The following ANKS1B variants were observed in gnomAD, a reference collection of about 807,000 sequenced individuals.
ANKS1B encodes the protein ankyrin repeat and sterile alpha motif domain containing 1B, also known as ankyrin repeat and sterile alpha motif domain-containing protein 1B.
ANKS1B carries 36 observed loss-of-function variants against 148.3 expected under a neutral mutation model. The observed-to-expected ratio is 0.24, with a 90% CI of 0.19 to 0.32. ANKS1B has a LOEUF of 0.32. Ranked by LOEUF, ANKS1B falls within the 10% of genes least tolerant of loss-of-function variation. ANKS1B has a pLI of 1.00. For missense variants in ANKS1B, 1,157 were observed against 1,542.6 expected (o/e 0.75, Z 4.19); for synonymous variants, 542 against 560.8 (o/e 0.97, Z 0.47).
chr12:99,616,669 A>G (rs2097965994), intron 9 of ANKS1B, among the ~76,000 whole-genome samples: 1 of 152,192 alleles, frequency 6.6e-6, no homozygotes, highest in African/African-American at 2.4e-5. Flanking sequence ...TAAATGTAAA[A>G]CCTAAAACCA....
chr12:99,439,950 G>C (rs993085975), intron 11 of ANKS1B, among the ~76,000 whole-genome samples: 6 of 151,642 alleles, frequency 4.0e-5, no homozygotes, highest in African/African-American at 1.2e-4. Flanking sequence ...TTAATCCAAT[G>C]GTAAACCACT....
chr12:99,394,699 G>T (rs577107730), intron 12 of ANKS1B, among the ~76,000 whole-genome samples: 1 of 152,218 alleles, frequency 6.6e-6, no homozygotes, highest in South Asian at 2.1e-4. Flanking sequence ...CTCACAGGTT[G>T]CTCCTTATCA....
chr12:99,648,150 G>A, intron 9 of ANKS1B: 1 of 1,586,156 alleles, frequency 6.3e-7, no homozygotes, highest in Non-Finnish European at 8.6e-7. Flanking sequence ...CAGCTGCTGG[G>A]AACTGTCTTG....
In ANKS1B at chr12:98,745,132, A is replaced by G; in HGVS notation, c.*607T>C. ...CTTTTGAACCAATCATTTGGTTGAA[A>G]GGTTTTCTTTCTCTGACATAGGTGA... On this transcript the variant is annotated 3_prime_UTR_variant, in exon 27 of 27. Coordinates refer to ENST00000683438, the MANE Select transcript of ANKS1B (RefSeq NM_001352186.2). 2.0e-6 allele frequency: 2 copies of G among 985,860 alleles called. No individual in the cohort carries two copies. Among genetic ancestry groups the G allele is most frequent in the Non-Finnish European group, 2.4e-6 (2 of 829,940 alleles). 61.1% of individuals were successfully genotyped at this position (985,860 alleles called of 1,614,324 possible). A position where few individuals can be genotyped will look rare whatever the true frequency, so the allele number is the denominator to read the frequency against.
At chr12:99,496,232 T>C (rs556171064) in intron 10 of ANKS1B, among the ~76,000 whole-genome samples, 1 of 152,264 alleles carries the variant, frequency 6.6e-6, no homozygotes, top group South Asian at 2.1e-4. Flanking sequence ...TACCTTAAAA[T>C]GGAAAAATTC....
intron 1 of ANKS1B, among the ~76,000 whole-genome samples, chr12:99,886,390 C>T (rs754768879): frequency 3.9e-5 from 6 of 152,204 alleles, no homozygotes; most frequent in Admixed American, 6.5e-5. Flanking sequence ...ATATTCTGTA[C>T]ATATTTTTAA....
rs1343626927 is a variant in ANKS1B at position 99,057,059 on chromosome 12, T to C, written c.2626-3750A>G. Among the ~76,000 whole-genome samples, 16 of 152,290 alleles carry C rather than the reference T, an allele frequency of 1.1e-4. No homozygotes were observed. The East Asian group carries it at 3.1e-3, about 29-fold the overall frequency. On this transcript the variant is annotated intron_variant, in intron 16 of 26. Coordinates refer to ENST00000683438, the MANE Select transcript of ANKS1B (RefSeq NM_001352186.2). Reference sequence around the variant, plus strand: ...CTTTCTGTTTACTATCATATCTAATTAGGCCAACATGGTCTATCAATTTGA... The same window carrying C: ...CTTTCTGTTTACTATCATATCTAATCAGGCCAACATGGTCTATCAATTTGA...
intron 17 of ANKS1B, among the ~76,000 whole-genome samples, chr12:98,993,919 T>C (rs2099928077): frequency 6.6e-6 from 1 of 152,244 alleles, no homozygotes; most frequent in Non-Finnish European, 1.5e-5. Flanking sequence ...TCAGTCCTAT[T>C]CGTAGGAATA....
intron 11 of ANKS1B, among the ~76,000 whole-genome samples, chr12:99,436,773 T>C (rs961232370): frequency 6.6e-6 from 1 of 151,984 alleles, no homozygotes; most frequent in African/African-American, 2.4e-5. Context: ...AGTAGGTACC[T>C]GATCTAAACA....
At chr12:99,816,173 A>G (rs185581580) in intron 2 of ANKS1B, among the ~76,000 whole-genome samples, 1 of 151,878 alleles carries the variant, frequency 6.6e-6, no homozygotes, top group Admixed American at 6.6e-5. Context: ...CTTTTTAATT[A>G]TGGCCATTCT....
chr12:98,952,595 C>A (rs548712285), intron 17 of ANKS1B, among the ~76,000 whole-genome samples: 44 of 152,276 alleles, frequency 2.9e-4, no homozygotes, highest in Admixed American at 2.4e-3. Flanking sequence ...GCGATCAATA[C>A]CTGCCTCGTG....
rs539345372 is a variant in ANKS1B at position 98,875,588 on chromosome 12, T to C, written c.2779-43452A>G. On this transcript the variant is annotated intron_variant, in intron 17 of 26. Coordinates refer to ENST00000683438, the MANE Select transcript of ANKS1B (RefSeq NM_001352186.2). ...TTTGAAGGAAGCCTTCCTGGTTTCT[T>C]TCTTTCCACTCTTGTTTCTTTAGTT... is the stretch of plus-strand genomic sequence containing the variant. Among the ~76,000 whole-genome samples, 15 of 152,338 alleles carry C rather than the reference T, an allele frequency of 9.8e-5. No individual in the cohort carries two copies. The South Asian group carries it at 3.1e-3, about 32-fold the overall frequency.
chr12:99,443,934 A>C, intron 10 of ANKS1B, 125 bp from the exon 11 acceptor site: 1 of 1,090,698 alleles, frequency 9.2e-7, no homozygotes, highest in South Asian at 1.6e-5. Context: ...ACAAGATCAT[A>C]ATGAGGAATA....
intron 1 of ANKS1B, among the ~76,000 whole-genome samples, chr12:99,851,305 A>G (rs1482616070): frequency 6.6e-6 from 1 of 152,046 alleles, no homozygotes. Flanking sequence ...TTTAGATGCC[A>G]TTTTCTGCCT....
At chr12:99,300,698 T>A (rs998410192) in intron 12 of ANKS1B, among the ~76,000 whole-genome samples, 1 of 152,164 alleles carries the variant, frequency 6.6e-6, no homozygotes, top group Admixed American at 6.6e-5. Context: ...AAGAGGTGGA[T>A]AAAATGCATA....
At chr12:99,632,549 A>G (rs2098172315) in intron 9 of ANKS1B, among the ~76,000 whole-genome samples, 3 of 151,370 alleles carry the variant, frequency 2.0e-5, no homozygotes, top group Admixed American at 6.6e-5. Context: ...GAAAGCCACA[A>G]AGGCAGGGTT....
At chr12:99,343,570 A>G (rs1479152086) in intron 12 of ANKS1B, among the ~76,000 whole-genome samples, 1 of 151,940 alleles carries the variant, frequency 6.6e-6, no homozygotes, top group East Asian at 1.9e-4. Flanking sequence ...AGCATCTACA[A>G]CCTTTTCCTC....
chr12:99,249,621 G>C (rs1218799107), intron 12 of ANKS1B, among the ~76,000 whole-genome samples: 2 of 152,234 alleles, frequency 1.3e-5, no homozygotes, highest in East Asian at 1.9e-4. Flanking sequence ...AGGAGAAGTT[G>C]ATATGAAGCC....
At chr12:99,086,095 A>G (rs948444171) in intron 15 of ANKS1B, among the ~76,000 whole-genome samples, 80 of 152,310 alleles carry the variant, frequency 5.3e-4, no homozygotes, top group Middle Eastern at 3.4e-3. Flanking sequence ...GGCCCTACCC[A>G]CAACTGCCTT....
Sources: gnomAD v4.1 joint callset for allele counts (sites outside exome capture counted in the v4.1 genomes callset) on GRCh38, gnomAD v4.1.1 for gene constraint, MANE v1.5 for transcripts, NCBI Gene and HGNC (gene_info 2026-07-23, HGNC 2026-07-21) for gene names.